Variants in AFG3L2 observed in about 807,000 individuals in gnomAD.
AFG3L2 encodes mitochondrial inner membrane m-AAA protease component AFG3L2.
AFG3L2 carries 54 observed loss-of-function variants against 94.5 expected under a neutral mutation model. That is an observed-to-expected ratio of 0.57 (90% confidence interval 0.46 to 0.72). AFG3L2 has a LOEUF of 0.72. Ranked by LOEUF, AFG3L2 falls within the 30% of genes least tolerant of loss-of-function variation. The pLI is 0.00. For synonymous variants in AFG3L2, 377 were observed against 365.5 expected (o/e 1.03, Z -0.36); for missense variants, 754 against 994.9 (o/e 0.76, Z 3.26).
chr18:12,374,305 A>C (rs1387113728), intron 1 of AFG3L2, among the ~76,000 whole-genome samples: 2 of 152,234 alleles, frequency 1.3e-5, no homozygotes, highest in Admixed American at 1.3e-4. Context: ...ATTAGCCTTT[A>C]TGTTTGACAA....
intron 15 of AFG3L2, among the ~76,000 whole-genome samples, chr18:12,337,781 T>C (rs1420927564): frequency 6.6e-6 from 1 of 152,168 alleles, no homozygotes; most frequent in Non-Finnish European, 1.5e-5. Flanking sequence ...TTTCTCTCTT[T>C]TTTTTTTAGA....
At chr18:12,356,924 T>C (rs1908515103) in intron 8 of AFG3L2, 93 bp from the exon 9 acceptor site, 2 of 1,259,184 alleles carry the variant, frequency 1.6e-6, no homozygotes, top group Admixed American at 2.0e-5. Flanking sequence ...ACTCTGTCTC[T>C]AAATCTTATT....
At chr18:12,333,038 A>AT (rs1907607482) in intron 16 of AFG3L2, among the ~76,000 whole-genome samples, 1 of 47,146 alleles carries the variant, frequency 2.1e-5, no homozygotes, top group African/African-American at 5.7e-5. Context: ...ATAAAAATAT[A>AT]TAATCTATTA....
intron 13 of AFG3L2, among the ~76,000 whole-genome samples, chr18:12,346,343 A>G (rs1258661571): frequency 6.6e-6 from 1 of 152,020 alleles, no homozygotes; most frequent in East Asian, 1.9e-4. Context: ...ACACCCTGGG[A>G]CCACCACTGC....
intron 13 of AFG3L2, among the ~76,000 whole-genome samples, chr18:12,347,556 T>TA (rs1458593004): frequency 3.2e-3 from 49 of 15,474 alleles, no homozygotes; most frequent in African/African-American, 4.8e-3. Flanking sequence ...TTATTATTAT[T>TA]TTTTTTTTTT....
chr18:12,361,431 A>G (rs1356541535), intron 6 of AFG3L2, among the ~76,000 whole-genome samples: 2 of 152,214 alleles, frequency 1.3e-5, no homozygotes, highest in Admixed American at 6.5e-5. Context: ...GGTGGATCAC[A>G]AGGTCAGGAG....
intron 8 of AFG3L2, 30 bp downstream of exon 8, chr18:12,358,640 T>C (rs9949423): frequency 1.4e-5 from 22 of 1,604,566 alleles, no homozygotes; most frequent in Non-Finnish European, 1.7e-5. Context: ...AAGAAACATT[T>C]CAAAAAGTTA....
At chr18:12,332,940 C>CATATAATATATAAT (rs1907589941) in intron 16 of AFG3L2, among the ~76,000 whole-genome samples, 5 of 112,210 alleles carry the variant, frequency 4.5e-5, no homozygotes, top group African/African-American at 6.9e-5. Context: ...TACTATATAA[C>CATATAATATATAAT]ATATAATATA....
chr18:12,368,121 C>G (rs1908864792), intron 3 of AFG3L2, among the ~76,000 whole-genome samples: 1 of 151,902 alleles, frequency 6.6e-6, no homozygotes, highest in Non-Finnish European at 1.5e-5. Flanking sequence ...GAGCCAAGAT[C>G]ACGCCATTGC....
rs748587965 is a variant in AFG3L2 at position 12,344,113 on chromosome 18, T to C, written c.1779+19A>G. 2.5e-6 allele frequency: 4 copies of C among 1,606,134 alleles called. No individual in the cohort carries two copies. The African/African-American group carries it at 4.0e-5, about 16-fold the overall frequency. On this transcript the variant is annotated intron_variant, in intron 14 of 16. Coordinates refer to ENST00000269143, the MANE Select transcript of AFG3L2 (RefSeq NM_006796.3). ...GCTCACCCATGCACTGGCTGCCTAG[T>C]GCAGCTACCCTGCTTCACCTTTAAA...
chr18:12,364,614 T>C (rs1436295446), intron 5 of AFG3L2, among the ~76,000 whole-genome samples: 1 of 152,354 alleles, frequency 6.6e-6, no homozygotes, highest in East Asian at 1.9e-4. Flanking sequence ...TTTTTGTCAC[T>C]CTATAAATAT....
chr18:12,342,365 T>C (rs1345948408), intron 14 of AFG3L2: 1 of 152,230 alleles, frequency 6.6e-6, no homozygotes, highest in South Asian at 2.1e-4. Flanking sequence ...GGGAAATGCA[T>C]GTTTAAATCT....
At chr18:12,354,143 C>CCCCCCCCCCCCCCCCCCCCCCCG (rs1568140681) in intron 9 of AFG3L2, among the ~76,000 whole-genome samples, 1 of 107,696 alleles carries the variant, frequency 9.3e-6, no homozygotes. Context: ...CCCCCCCCCC[C>CCCCCCCCCCCCCCCCCCCCCCCG]CCACTTCACT....
chr18:12,368,245 G>C (rs1410777951), intron 3 of AFG3L2, among the ~76,000 whole-genome samples: 1 of 152,138 alleles, frequency 6.6e-6, no homozygotes, highest in African/African-American at 2.4e-5. Context: ...TGTGGTCCCA[G>C]CTACACAGGA....
rs190115720 is a variant in AFG3L2 at position 12,369,801 on chromosome 18, A to G, written c.292+1048T>C. ...GCCGGGCATGGTGGCTCACGCCTGT[A>G]ATCCCAGCACTTTGGGAGGCCGAGG... On this transcript the variant is annotated intron_variant, in intron 3 of 16. Transcript: ENST00000269143. 3.0e-3 allele frequency among the ~76,000 whole-genome samples: 461 copies of G among 152,124 alleles called. 1 individual carries two copies. The highest frequency in any genetic ancestry group is 4.6e-3 in the Non-Finnish European group (313 of 67,986).
chr18:12,375,697 C>A (rs1909133368), intron 1 of AFG3L2, among the ~76,000 whole-genome samples: 1 of 152,198 alleles, frequency 6.6e-6, no homozygotes, highest in African/African-American at 2.4e-5. Context: ...AGGCGCCCGC[C>A]ACCACGCCCG....
Position 12,346,774 on chromosome 18 carries a change from C to T in AFG3L2, c.1663+1499G>A, listed in dbSNP as rs188729459. Among the ~76,000 whole-genome samples, 148 of 149,922 alleles carry T rather than the reference C, an allele frequency of 9.9e-4. 1 individual carries two copies. Among genetic ancestry groups the T allele is most frequent in the African/African-American group, 3.5e-3 (143 of 40,648 alleles). On this transcript the variant is annotated intron_variant, in intron 13 of 16. Coordinates refer to ENST00000269143, the MANE Select transcript of AFG3L2 (RefSeq NM_006796.3). ...CAAAAATTAGCCAGGCGTGGTGGCA[C>T]GCACCTGTAATCCCAGCTGTTTGGG...
At chr18:12,346,690 G>A (rs1908147357) in intron 13 of AFG3L2, among the ~76,000 whole-genome samples, 1 of 152,108 alleles carries the variant, frequency 6.6e-6, no homozygotes. Context: ...GATCACCTGA[G>A]GTCAGGAGTT....
chr18:12,369,971 T>C (rs753763245), intron 3 of AFG3L2, among the ~76,000 whole-genome samples: 1 of 137,124 alleles, frequency 7.3e-6, no homozygotes, highest in Admixed American at 8.2e-5. Context: ...AGGAGAATGG[T>C]GCGAACCCAA....
Sources: allele counts gnomAD v4.1 joint callset (sites outside exome capture counted in the v4.1 genomes callset), GRCh38; gene constraint gnomAD v4.1.1; transcripts MANE v1.5; gene names NCBI Gene and HGNC (gene_info 2026-07-23, HGNC 2026-07-21).